The following RSPRY1 variants were observed in gnomAD, a reference collection of about 807,000 sequenced individuals.
RSPRY1 encodes ring finger and SPRY domain containing 1, also known as RING finger and SPRY domain-containing protein 1.
In RSPRY1, 23 loss-of-function variants were observed where a neutral mutation model predicts 73.1. That is an observed-to-expected ratio of 0.31 (90% CI 0.23 to 0.45). The LOEUF (loss-of-function observed/expected upper bound fraction) is 0.45. RSPRY1 is among the 20% of genes least tolerant of loss of function. The pLI is 1.00. For missense variants in RSPRY1, 448 were observed against 698.7 expected (o/e 0.64, Z 4.05); for synonymous variants, 226 against 251.4 (o/e 0.90, Z 0.95).
At chr16:57,229,673 A>G (rs1302889779) in intron 11 of RSPRY1, among the ~76,000 whole-genome samples, 2 of 129,976 alleles carry the variant, frequency 1.5e-5, no homozygotes, top group Non-Finnish European at 3.2e-5. Flanking sequence ...ACTTTATCTG[A>G]TAAGTGAAGA....
chr16:57,227,360 G>A lies in RSPRY1; in HGVS notation c.1180G>A (p.Asp394Asn). The A allele has an allele frequency of 6.2e-7, 1 of 1,613,952 alleles. No individual in the cohort carries two copies. The highest frequency in any genetic ancestry group is 8.5e-7 in the Non-Finnish European group (1 of 1,179,872). ...FLNHEGYGIG[D>N]DEYSCAYDGC... ...TCTCCAGGAAGGCTACGGCATTGGG[G>A]ATGATGAATACTCCTGTGCGTATGA... Residue 394 changes from aspartate to asparagine, a missense_variant, in exon 11 of 15, where the codon GAT becomes AAT. Asp to Asn is a conservative substitution (Grantham distance 23, BLOSUM62 1). Coordinates refer to ENST00000394420, the MANE Select transcript of RSPRY1 (RefSeq NM_133368.3).
chr16:57,209,368 T>C (rs959552385), intron 4 of RSPRY1, among the ~76,000 whole-genome samples, 181 bp downstream of exon 4: 1 of 152,218 alleles, frequency 6.6e-6, no homozygotes, highest in Admixed American at 6.5e-5. Context: ...TCTTTTTTTT[T>C]CTTTTCCTCT....
chr16:57,204,377 C>A, intron 1 of RSPRY1, 127 bp from the exon 2 acceptor site: 1 of 338,522 alleles, frequency 3.0e-6, no homozygotes, highest in East Asian at 5.4e-5. Flanking sequence ...TATTGGAAAC[C>A]TATAAAAATA....
intron 11 of RSPRY1, 86 bp downstream of exon 11, chr16:57,227,539 G>A (rs2075138422): frequency 2.2e-6 from 2 of 912,082 alleles, no homozygotes; most frequent in Admixed American, 1.9e-5. Context: ...GCCTTAAAAT[G>A]TCTTAGGAGA....
At chr16:57,221,534 A>G in intron 10 of RSPRY1, 119 bp downstream of exon 10, 1 of 1,074,932 alleles carries the variant, frequency 9.3e-7, no homozygotes, top group African/African-American at 1.6e-5. Flanking sequence ...TTTCTTGGGC[A>G]GAGCCACATG....
Position 57,239,049 on chromosome 16 carries a change from A to AT in RSPRY1, c.*74_*75insT, listed in dbSNP as rs1253717488. On this transcript the variant is annotated 3_prime_UTR_variant, in exon 15 of 15. Transcript: ENST00000394420. Reference sequence around the variant, plus strand: ...TGTTGAAAAGAAAAAGAAAAAAAAAACTCTCTAATCAGTTGTACACACATT... The same window carrying AT: ...TGTTGAAAAGAAAAAGAAAAAAAAAATCTCTCTAATCAGTTGTACACACATT... 1.4e-6 allele frequency: 1 copy of AT among 729,286 alleles called. No individual in the cohort carries two copies. The highest frequency in any genetic ancestry group is 2.2e-6 in the Non-Finnish European group (1 of 456,940). 45.2% of individuals were successfully genotyped at this position (729,286 alleles called of 1,614,324 possible). A position where few individuals can be genotyped will look rare whatever the true frequency, so the allele number is the denominator to read the frequency against.
chr16:57,221,441 A>G, intron 10 of RSPRY1, 26 bp downstream of exon 10: 2 of 1,583,984 alleles, frequency 1.3e-6, no homozygotes, highest in Non-Finnish European at 1.7e-6. Flanking sequence ...AACTGTGAAA[A>G]TGGGAGCAGT....
At chr16:57,235,564 A>C (rs1248026001) in intron 14 of RSPRY1, among the ~76,000 whole-genome samples, 4 of 152,226 alleles carry the variant, frequency 2.6e-5, no homozygotes, top group Non-Finnish European at 5.9e-5. Flanking sequence ...AGCAGCCTCC[A>C]TGTCATCTTA....
chr16:57,213,867 G>C (rs372798463), intron 5 of RSPRY1, 21 bp from the exon 6 acceptor site: 2 of 1,535,372 alleles, frequency 1.3e-6, no homozygotes, highest in Non-Finnish European at 9.0e-7. Context: ...ATTATATCAA[G>C]TGTTTGTTGT....
intron 11 of RSPRY1, among the ~76,000 whole-genome samples, chr16:57,229,942 T>A (rs1266319507): frequency 1.3e-5 from 2 of 149,268 alleles, no homozygotes; most frequent in African/African-American, 4.9e-5. Flanking sequence ...GACCTCAAGA[T>A]GATCTGCCCA....
intron 1 of RSPRY1, among the ~76,000 whole-genome samples, chr16:57,195,214 C>T (rs2074417908): frequency 6.6e-6 from 1 of 152,056 alleles, no homozygotes; most frequent in Non-Finnish European, 1.5e-5. Flanking sequence ...AAATTGTTAT[C>T]GAGAGTATAA....
chr16:57,208,203 G>T, intron 3 of RSPRY1, 93 bp downstream of exon 3: 2 of 678,962 alleles, frequency 2.9e-6, no homozygotes, highest in Non-Finnish European at 4.7e-6. Flanking sequence ...TTTGTTTTGA[G>T]ATAAAAGACT....
At chr16:57,198,235 T>C (rs2074488552) in intron 1 of RSPRY1, among the ~76,000 whole-genome samples, 2 of 152,042 alleles carry the variant, frequency 1.3e-5, no homozygotes, top group Non-Finnish European at 2.9e-5. Flanking sequence ...AATACAAAAA[T>C]TAGCTGGGCG....
Position 57,222,372 on chromosome 16 carries a change from G to A in RSPRY1, c.1161+957G>A, listed in dbSNP as rs78101427. ...GCCTCCTGAATAGCTGAGACTACAG[G>A]CACATCCCATGGTGACCTACTTATA... On this transcript the variant is annotated intron_variant, in intron 10 of 14. Coordinates refer to ENST00000394420, the MANE Select transcript of RSPRY1 (RefSeq NM_133368.3). Among the ~76,000 whole-genome samples, 3 of 152,278 alleles carry A rather than the reference G, an allele frequency of 2.0e-5. No homozygotes were observed. In the East Asian group the frequency reaches 5.8e-4, roughly 29 times the overall value.
At chr16:57,186,819 C>G (rs1459892173) in intron 1 of RSPRY1, 2 of 152,192 alleles carry the variant, frequency 1.3e-5, no homozygotes, top group South Asian at 4.2e-4. Flanking sequence ...TGGGGTGGCT[C>G]CTGGTACCGA....
At chr16:57,230,586 A>G (rs1429815352) in intron 11 of RSPRY1, 125 bp from the exon 12 acceptor site, 1 of 529,978 alleles carries the variant, frequency 1.9e-6, no homozygotes, top group African/African-American at 1.9e-5. Context: ...AACAAAAATT[A>G]ACATGTTGAA....
At chr16:57,201,589 T>TG (rs1459338900) in intron 1 of RSPRY1, among the ~76,000 whole-genome samples, 2 of 152,110 alleles carry the variant, frequency 1.3e-5, no homozygotes, top group Non-Finnish European at 2.9e-5. Flanking sequence ...CTCGGCACTT[T>TG]GGGGGGCCAA....
chr16:57,216,238 T>C (rs1350990518), intron 7 of RSPRY1, 65 bp downstream of exon 7: 6 of 1,190,878 alleles, frequency 5.0e-6, no homozygotes, highest in Non-Finnish European at 2.5e-6. Context: ...TTATTTTTCT[T>C]AGTTACTGGA....
chr16:57,229,288 T>C (rs1430516209), intron 11 of RSPRY1, among the ~76,000 whole-genome samples: 1 of 152,208 alleles, frequency 6.6e-6, no homozygotes, highest in East Asian at 1.9e-4. Context: ...GACAGACAAA[T>C]TTGTTTATCT....
Sources: allele counts gnomAD v4.1 joint callset (sites outside exome capture counted in the v4.1 genomes callset), GRCh38; gene constraint gnomAD v4.1.1; transcripts MANE v1.5; gene names NCBI Gene and HGNC (gene_info 2026-07-23, HGNC 2026-07-21).